Variants in SHANK2 observed in about 807,000 individuals in gnomAD.
SHANK2 encodes SH3 and multiple ankyrin repeat domains protein 2.
A neutral mutation model predicts 133.7 loss-of-function variants in SHANK2; 43 were observed. That is an observed-to-expected ratio of 0.32 (90% CI 0.25 to 0.41). The LOEUF is 0.41. Among genes scored for constraint, SHANK2 ranks in the 10% least tolerant of loss-of-function variants. SHANK2 has a pLI of 1.00. For missense variants in SHANK2, 1,994 were observed against 2,235.8 expected (o/e 0.89, Z 2.18); for synonymous variants, 1,017 against 952.8 (o/e 1.07, Z -1.24).
chr11:71,239,609 C>T (rs1472921020), intron 1 of SHANK2, among the ~76,000 whole-genome samples: 3 of 151,940 alleles, frequency 2.0e-5, no homozygotes, highest in Non-Finnish European at 4.4e-5. Flanking sequence ...TACAGGCACA[C>T]ACCACCATGC....
At chr11:71,124,202 G>A (rs2135293209) in intron 3 of SHANK2, among the ~76,000 whole-genome samples, 1 of 25,050 alleles carries the variant, frequency 4.0e-5, no homozygotes, top group South Asian at 2.0e-3. Context: ...TGGTGATGAT[G>A]GTGGTGATGA....
In SHANK2 at chr11:70,807,206, C is replaced by T. The variant is rs1948182699; in HGVS notation, c.1494-35G>A. 1.4e-6 allele frequency: 1 copy of T among 701,772 alleles called. No homozygotes were observed. The highest frequency in any genetic ancestry group is 2.6e-6 in the Non-Finnish European group (1 of 381,264). The allele number at this position is 701,772 out of a possible 1,614,324, so 43.5% of individuals were successfully genotyped here. A position where few individuals can be genotyped will look rare whatever the true frequency, so the allele number is the denominator to read the frequency against. Reference sequence around the variant, plus strand: ...GTGAGAGGGGCAGAGAGAGAGAGAGCAGAGTCACAAGGTCACAAGCCACAT... The same window carrying T: ...GTGAGAGGGGCAGAGAGAGAGAGAGTAGAGTCACAAGGTCACAAGCCACAT... On this transcript the variant is annotated intron_variant, in intron 12 of 25. Transcript: ENST00000601538. The surrounding 1 kb of genome is among the most constrained non-coding windows in gnomAD (Gnocchi z 4.8).
chr11:70,785,199 G>A (rs1555046163), intron 14 of SHANK2, among the ~76,000 whole-genome samples: 1 of 152,142 alleles, frequency 6.6e-6, no homozygotes, highest in African/African-American at 2.4e-5. Flanking sequence ...CAGGAGACCT[G>A]CACACCACAC....
At chr11:70,833,883 G>C (rs557057951) in intron 11 of SHANK2, among the ~76,000 whole-genome samples, 35 of 152,222 alleles carry the variant, frequency 2.3e-4, no homozygotes, top group Non-Finnish European at 4.6e-4. Context: ...ACAGGGTCCT[G>C]ACCCAGGCCA....
At chr11:70,906,851 ATC>A (rs1950112079) in intron 10 of SHANK2, among the ~76,000 whole-genome samples, 1 of 152,096 alleles carries the variant, frequency 6.6e-6, no homozygotes, top group African/African-American at 2.4e-5. Context: ...CTTCAAGGGA[ATC>A]TCTGCCCATC....
intron 2 of SHANK2, among the ~76,000 whole-genome samples, chr11:71,210,210 G>GTATATATATATATATATATA: frequency 5.7e-4 from 31 of 54,028 alleles, no homozygotes; most frequent in African/African-American, 1.2e-3. Flanking sequence ...AAATCCACAG[G>GTATATATATATATATATATA]TATATATATA....
At chr11:70,845,348 A>G (rs1455587311) in intron 11 of SHANK2, among the ~76,000 whole-genome samples, 2 of 152,210 alleles carry the variant, frequency 1.3e-5, no homozygotes, top group African/African-American at 4.8e-5. Flanking sequence ...TAGGGGAGAC[A>G]TAATTTCACG....
At chr11:70,797,223 A>G (rs1947933419) in intron 14 of SHANK2, among the ~76,000 whole-genome samples, 1 of 152,162 alleles carries the variant, frequency 6.6e-6, no homozygotes, top group South Asian at 2.1e-4. Flanking sequence ...GAAAGACCCC[A>G]TTCTTGGGAA....
At chr11:70,863,876 G>C (rs1555068458) in intron 11 of SHANK2, 2 of 457,444 alleles carry the variant, frequency 4.4e-6, no homozygotes, top group Non-Finnish European at 8.8e-6. Flanking sequence ...CAGGAGGAGA[G>C]GCCTCAGGAG....
At chr11:70,576,450 T>G (rs926277743) in intron 17 of SHANK2, among the ~76,000 whole-genome samples, 1 of 151,912 alleles carries the variant, frequency 6.6e-6, no homozygotes, top group African/African-American at 2.4e-5. Context: ...CTGGCTAACA[T>G]GGTGAAACCC....
rs530409636 is a variant in SHANK2, at chr11:70,767,977, A to AG, written c.1777+30465dup. Among the ~76,000 whole-genome samples the AG allele has an allele frequency of 2.2e-3, 334 of 152,190 alleles. 3 individuals carry two copies. The highest frequency in any genetic ancestry group is 7.5e-3 in the African/African-American group (313 of 41,510). On this transcript the variant is annotated intron_variant, in intron 14 of 25. Coordinates refer to ENST00000601538, the MANE Select transcript of SHANK2 (RefSeq NM_012309.5). ...CTGGGTCTCCCCTGCCTGACTCTGCAGGGATCCGTGCAGAAAGGCGGGGCA... is the reference window on the plus strand; with the variant it reads ...CTGGGTCTCCCCTGCCTGACTCTGCAGGGGATCCGTGCAGAAAGGCGGGGCA...
At chr11:70,664,831 G>A (rs886574550) in intron 15 of SHANK2, among the ~76,000 whole-genome samples, 4 of 152,190 alleles carry the variant, frequency 2.6e-5, no homozygotes, top group East Asian at 3.9e-4. Context: ...CACACGGAGC[G>A]TGGTTCAAAT....
chr11:71,226,352 T>C (rs1555122229), intron 1 of SHANK2, among the ~76,000 whole-genome samples: 1 of 152,128 alleles, frequency 6.6e-6, no homozygotes, highest in African/African-American at 2.4e-5. Context: ...CTTTAAATGT[T>C]TGAAATCCCA....
intron 9 of SHANK2, among the ~76,000 whole-genome samples, chr11:71,061,353 A>C (rs1950983879): frequency 6.6e-6 from 1 of 152,240 alleles, no homozygotes; most frequent in Non-Finnish European, 1.5e-5. Flanking sequence ...ACGTGGTCAC[A>C]CATTCACAGA....
intron 17 of SHANK2, among the ~76,000 whole-genome samples, chr11:70,610,767 G>A (rs2060647868): frequency 6.6e-6 from 1 of 152,204 alleles, no homozygotes; most frequent in African/African-American, 2.4e-5. Context: ...AGGCACCCCT[G>A]CCGGCCCCTC....
chr11:70,913,238 T>G (rs899601120), intron 10 of SHANK2, among the ~76,000 whole-genome samples: 31 of 152,212 alleles, frequency 2.0e-4, no homozygotes, highest in Non-Finnish European at 3.5e-4. Flanking sequence ...TAAAGAGATT[T>G]GTTTTCCTTC....
chr11:71,176,165 T>C (rs1590990013), intron 2 of SHANK2, among the ~76,000 whole-genome samples: 1 of 152,154 alleles, frequency 6.6e-6, no homozygotes, highest in Non-Finnish European at 1.5e-5. Flanking sequence ...AGACATAGGC[T>C]GAACACTGCC....
chr11:70,620,117 C>T (rs2060809073), intron 17 of SHANK2, among the ~76,000 whole-genome samples: 1 of 152,110 alleles, frequency 6.6e-6, no homozygotes, highest in Non-Finnish European at 1.5e-5. Flanking sequence ...TCATCAAGCC[C>T]TAGCCCCCTC....
intron 17 of SHANK2, among the ~76,000 whole-genome samples, chr11:70,613,435 C>T (rs1554994955): frequency 6.6e-6 from 1 of 152,158 alleles, no homozygotes; most frequent in Non-Finnish European, 1.5e-5. Flanking sequence ...GATCTCCTGA[C>T]CTCGTGATCC....
Sources: allele counts gnomAD v4.1 joint callset (sites outside exome capture counted in the v4.1 genomes callset), GRCh38; gene constraint gnomAD v4.1.1; non-coding constraint Gnocchi (gnomAD v3.1); transcripts MANE v1.5; gene names NCBI Gene and HGNC (gene_info 2026-07-23, HGNC 2026-07-21).